PALS2: variants seen among roughly 807,000 people sequenced by gnomAD.
PALS2 encodes the protein protein associated with LIN7 2, MAGUK p55 family member.
Under a neutral mutation model 61.6 loss-of-function variants are expected in PALS2, and 27 were observed. The observed-to-expected ratio is 0.44, with a 90% confidence interval of 0.32 to 0.60. The LOEUF (loss-of-function observed/expected upper bound fraction) is 0.60. Ranked by LOEUF, PALS2 falls within the 20% of genes least tolerant of loss-of-function variation. The pLI, the probability that PALS2 is intolerant of heterozygous loss-of-function variation, is 0.05. For synonymous variants in PALS2, 236 were observed against 218.6 expected (o/e 1.08, Z -0.70); for missense variants, 554 against 639.4 (o/e 0.87, Z 1.44).
In PALS2 at chr7:24,623,651, C is replaced by T. The variant is rs752724260; in HGVS notation, c.-2-15C>T. 17 of 1,469,570 alleles carry T rather than the reference C, an allele frequency of 1.2e-5. No homozygotes were observed. The highest frequency in any genetic ancestry group is 1.8e-4 in the Middle Eastern group (1 of 5,712). 91.0% of individuals were successfully genotyped at this position (1,469,570 alleles called of 1,614,324 possible). On this transcript the variant is annotated splice_polypyrimidine_tract_variant and intron_variant, in intron 1 of 11. Coordinates refer to ENST00000222644, the MANE Select transcript of PALS2 (RefSeq NM_001303037.2). ...TGTTTGTTTGTTTGTTTTTATGTTG[C>T]TTTTATCTCAGCAGCAATGCAGCAA...
At chr7:24,597,675 GGTA>G (rs1464508438) in intron 1 of PALS2, among the ~76,000 whole-genome samples, 1 of 152,162 alleles carries the variant, frequency 6.6e-6, no homozygotes, top group Non-Finnish European at 1.5e-5. Flanking sequence ...TTCATTGACA[GGTA>G]GTAGCCTTGT....
At chr7:24,673,330 A>G (rs558110485) in intron 9 of PALS2, among the ~76,000 whole-genome samples, 24 of 152,234 alleles carry the variant, frequency 1.6e-4, no homozygotes, top group South Asian at 4.1e-4. Flanking sequence ...TTTTGCATCT[A>G]TATTTATAAG....
At chr7:24,577,320 A>T (rs1227128497) in intron 1 of PALS2, among the ~76,000 whole-genome samples, 2 of 144,090 alleles carry the variant, frequency 1.4e-5, no homozygotes, top group Non-Finnish European at 3.0e-5. Flanking sequence ...CTTTCTGCTT[A>T]GGAATATATT....
intron 1 of PALS2, among the ~76,000 whole-genome samples, chr7:24,616,684 G>T (rs1234726455): frequency 6.6e-6 from 1 of 152,046 alleles, no homozygotes; most frequent in African/African-American, 2.4e-5. Flanking sequence ...GATATGTGAG[G>T]ACTTACTCCT....
chr7:24,655,169 G>C (rs774114772), intron 5 of PALS2, among the ~76,000 whole-genome samples: 2 of 152,160 alleles, frequency 1.3e-5, no homozygotes, highest in Non-Finnish European at 2.9e-5. Flanking sequence ...GGGGAGAAAA[G>C]TTTAATGTCT....
rs1788475237 is a variant in PALS2 at position 24,691,452 on chromosome 7, T to A, written c.*3838T>A. 7.0e-6 allele frequency: 1 copy of A among 143,746 alleles called. No individual in the cohort carries two copies. The highest frequency in any genetic ancestry group is 1.5e-5 in the Non-Finnish European group (1 of 65,740). 8.9% of individuals were successfully genotyped at this position (143,746 alleles called of 1,614,324 possible). A position where few individuals can be genotyped will look rare whatever the true frequency, so the allele number is the denominator to read the frequency against. ...ATATATATATATATATATACAGCTATGTGTATAATATGTAAAATTCTCCCA... is the reference window on the plus strand; with the variant it reads ...ATATATATATATATATATACAGCTAAGTGTATAATATGTAAAATTCTCCCA... On this transcript the variant is annotated 3_prime_UTR_variant, in exon 12 of 12. Transcript: ENST00000222644.
chr7:24,589,267 G>C (rs1015261063), intron 1 of PALS2: 2 of 152,170 alleles, frequency 1.3e-5, no homozygotes, highest in African/African-American at 4.8e-5. Context: ...TGATAGATCA[G>C]TTGTTAACAA....
At chr7:24,644,519 T>A (rs1785732065) in intron 3 of PALS2, among the ~76,000 whole-genome samples, 1 of 152,020 alleles carries the variant, frequency 6.6e-6, no homozygotes, top group Admixed American at 6.6e-5. Flanking sequence ...TATATATATA[T>A]ATATCACATT....
intron 2 of PALS2, among the ~76,000 whole-genome samples, chr7:24,640,773 C>G (rs1785493122): frequency 6.6e-6 from 1 of 151,962 alleles, no homozygotes; most frequent in Admixed American, 6.6e-5. Context: ...CTTTGGGAGG[C>G]CGAGGCGGGT....
At position 24,688,496 on chromosome 7, in the gene PALS2, A is replaced by G. The variant is rs1054175010; in HGVS notation, c.*882A>G. The G allele has an allele frequency of 6.6e-6, 1 of 152,116 alleles. No individual in the cohort carries two copies. Among genetic ancestry groups the G allele is most frequent in the African/African-American group, 2.4e-5 (1 of 41,444 alleles). 9.4% of individuals were successfully genotyped at this position (152,116 alleles called of 1,614,324 possible). A position where few individuals can be genotyped will look rare whatever the true frequency, so the allele number is the denominator to read the frequency against. ...CAAAAGGAACCTACTACTTTAAACA[A>G]TGGTTTTATTAGAACATGGTCAGCA... On this transcript the variant is annotated 3_prime_UTR_variant, in exon 12 of 12. Coordinates refer to ENST00000222644, the MANE Select transcript of PALS2 (RefSeq NM_001303037.2).
intron 5 of PALS2, among the ~76,000 whole-genome samples, chr7:24,652,452 G>C (rs1003820879): frequency 4.6e-5 from 7 of 152,206 alleles, no homozygotes; most frequent in African/African-American, 1.7e-4. Flanking sequence ...TTTTCACTTA[G>C]CATTTAGAGC....
At chr7:24,674,622 C>CA (rs1787467792) in intron 9 of PALS2, 1 of 152,190 alleles carries the variant, frequency 6.6e-6, no homozygotes, top group Non-Finnish European at 1.5e-5. Context: ...CATCTCCTCT[C>CA]AAAGTATTTT....
At chr7:24,643,691 A>G (rs140022149) in intron 3 of PALS2, among the ~76,000 whole-genome samples, 118 of 152,240 alleles carry the variant, frequency 7.8e-4, no homozygotes, top group African/African-American at 2.7e-3. Flanking sequence ...ACATTGACCT[A>G]TTGAAAAGAC....
chr7:24,669,761 A>G (rs968494492), intron 9 of PALS2, among the ~76,000 whole-genome samples: 5 of 152,204 alleles, frequency 3.3e-5, no homozygotes, highest in Admixed American at 3.3e-4. Context: ...CCCCTGTGCT[A>G]CTTATAATCC....
At chr7:24,574,850 C>T (rs186638884) in intron 1 of PALS2, among the ~76,000 whole-genome samples, 1 of 152,082 alleles carries the variant, frequency 6.6e-6, no homozygotes, top group Admixed American at 6.5e-5. Context: ...TTTAGTAATG[C>T]GGTATATAGT....
At chr7:24,679,686 C>G (rs1308942209) in intron 10 of PALS2, among the ~76,000 whole-genome samples, 1 of 151,434 alleles carries the variant, frequency 6.6e-6, no homozygotes, top group Non-Finnish European at 1.5e-5. Flanking sequence ...ATTAAAGTCA[C>G]TCCCCCTCCT....
chr7:24,588,766 G>T (rs2128042533), intron 1 of PALS2, among the ~76,000 whole-genome samples: 1 of 152,254 alleles, frequency 6.6e-6, no homozygotes, highest in East Asian at 1.9e-4. Context: ...AATGAAACAA[G>T]GTTTGCAAGA....
At chr7:24,628,530 C>T (rs1028383745) in intron 2 of PALS2, among the ~76,000 whole-genome samples, 5 of 151,990 alleles carry the variant, frequency 3.3e-5, no homozygotes, top group African/African-American at 1.2e-4. Flanking sequence ...GGAAATAAAG[C>T]GTATTCAAAT....
intron 1 of PALS2, among the ~76,000 whole-genome samples, chr7:24,622,068 T>C (rs1264908083): frequency 1.3e-5 from 2 of 152,136 alleles, no homozygotes; most frequent in African/African-American, 4.8e-5. Flanking sequence ...TTGATTACTG[T>C]AGCTTTTTAG....
Sources: gnomAD v4.1 joint callset for allele counts (sites outside exome capture counted in the v4.1 genomes callset) on GRCh38, gnomAD v4.1.1 for gene constraint, MANE v1.5 for transcripts, NCBI Gene and HGNC (gene_info 2026-07-23, HGNC 2026-07-21) for gene names.